MGST1: variants seen among roughly 807,000 people sequenced by gnomAD.
The protein encoded by MGST1 is microsomal glutathione S-transferase 1.
In MGST1, 5 loss-of-function variants were observed where a neutral mutation model predicts 8.9. The ratio of observed to expected loss-of-function variants is 0.56; its 90% confidence interval spans 0.29 to 1.19. The LOEUF (loss-of-function observed/expected upper bound fraction) is 1.19, where lower values mean the gene tolerates loss of function less well. MGST1 is among the 50% of genes most tolerant of loss of function. The pLI is 0.08. For synonymous variants in MGST1, 54 were observed against 67.8 expected (o/e 0.80, Z 1.00); for missense variants, 182 against 187.4 (o/e 0.97, Z 0.17).
chr12:16,531,005 A>G (rs1292866978), intron 4 of MGST1, among the ~76,000 whole-genome samples: 1 of 152,024 alleles, frequency 6.6e-6, no homozygotes, highest in Non-Finnish European at 1.5e-5. Context: ...CACATTCAAT[A>G]TAACTCATAT....
chr12:16,524,621 C>CTGT (rs920779733), intron 4 of MGST1, among the ~76,000 whole-genome samples: 22 of 152,164 alleles, frequency 1.4e-4, no homozygotes, highest in African/African-American at 5.3e-4. Context: ...ACTTGTTTGG[C>CTGT]TGTTGTTGCA....
Position 16,513,923 on chromosome 12 carries a change from A to T in MGST1, n.483-75605A>T. 1 of 567,984 alleles carries T rather than the reference A, an allele frequency of 1.8e-6. No homozygotes were observed. The highest frequency in any genetic ancestry group is 1.6e-5 in the South Asian group (1 of 61,298). The allele number at this position is 567,984 out of a possible 1,614,324, so 35.2% of individuals were successfully genotyped here. On this transcript the variant is annotated intron_variant and non_coding_transcript_variant, in intron 4 of 4. Coordinates refer to the MGST1 transcript ENST00000538857. This position sits in a 1 kb window ranked among gnomAD's most constrained non-coding sequence, Gnocchi z 4.2. ...GGCATGCAGCTACAAGGTTATCGAT[A>T]CTATGACCGCAAGACTTGCGGTTTT...
intron 4 of MGST1, among the ~76,000 whole-genome samples, chr12:16,580,850 T>G (rs1450428033): frequency 6.6e-6 from 1 of 152,232 alleles, no homozygotes; most frequent in Non-Finnish European, 1.5e-5. Flanking sequence ...AAGCTTTTAT[T>G]AATTATACAA....
chr12:16,440,099 T>G (rs1452904847), downstream of MGST1, among the ~76,000 whole-genome samples: 2 of 151,804 alleles, frequency 1.3e-5, no homozygotes, highest in African/African-American at 4.8e-5. Context: ...ACCAACAGAC[T>G]GGGGGTTAGG....
downstream of MGST1, among the ~76,000 whole-genome samples, chr12:16,368,484 C>G (rs1488588513): frequency 1.3e-5 from 2 of 152,112 alleles, no homozygotes. Context: ...AAATGTCAGC[C>G]CTGTGGGAAG....
In MGST1 at chr12:16,413,815, C is replaced by G. The variant is rs1940762157; in HGVS notation, n.779-23573C>G. Among the ~76,000 whole-genome samples, 2 of 152,160 alleles carry G rather than the reference C, an allele frequency of 1.3e-5. No individual in the cohort carries two copies. The highest frequency in any genetic ancestry group is 4.8e-5 in the African/African-American group (2 of 41,444). On this transcript the variant is annotated intron_variant and non_coding_transcript_variant, in intron 1 of 1. Transcript: ENST00000359720. This position sits in a 1 kb window ranked among gnomAD's most constrained non-coding sequence, Gnocchi z 4.0. ...TAATAGTGTTATTTAATCTTGGCAT[C>G]TCCAGCATATAATTTCTGACACATT...
chr12:16,350,036 G>C (rs1184060620), intron 1 of MGST1, among the ~76,000 whole-genome samples: 2 of 152,144 alleles, frequency 1.3e-5, no homozygotes, highest in Non-Finnish European at 2.9e-5. Flanking sequence ...GAGCCACCGC[G>C]CTCGGCCCCC....
At chr12:16,549,633 GA>G (rs1190670639) in intron 4 of MGST1, 3 of 152,120 alleles carry the variant, frequency 2.0e-5, no homozygotes, top group Non-Finnish European at 4.4e-5. Flanking sequence ...AAGTGATCAA[GA>G]AAAAAACAAA....
chr12:16,481,226 T>C (rs1364350069), intron 4 of MGST1, among the ~76,000 whole-genome samples: 1 of 152,200 alleles, frequency 6.6e-6, no homozygotes, highest in Non-Finnish European at 1.5e-5. Context: ...AGTATCTACA[T>C]GGTCCAGGAA....
At chr12:16,483,355 A>G (rs183862382) in intron 4 of MGST1, among the ~76,000 whole-genome samples, 89 of 152,084 alleles carry the variant, frequency 5.9e-4, no homozygotes, top group African/African-American at 2.1e-3. Flanking sequence ...TGATAAAATC[A>G]TAATGTTAAC....
intron 1 of MGST1, among the ~76,000 whole-genome samples, chr12:16,351,320 A>G (rs1394369674): frequency 5.1e-5 from 4 of 78,338 alleles, no homozygotes; most frequent in South Asian, 3.3e-4. Flanking sequence ...CACCCCTTCA[A>G]TACTAGAACA....
At position 16,500,021 on chromosome 12, in the gene MGST1, C is replaced by G. The variant is rs970160780; in HGVS notation, n.483-89507C>G. ...ATTTCTGATCATTTTAAAGGACAGT[C>G]TTAGAATTTCAAGGAAGCTAGAATT... is the stretch of plus-strand genomic sequence containing the variant. On this transcript the variant is annotated intron_variant and non_coding_transcript_variant, in intron 4 of 4. Coordinates refer to the MGST1 transcript ENST00000538857. The surrounding 1 kb of genome is among the most constrained non-coding windows in gnomAD (Gnocchi z 4.3). 1.3e-5 allele frequency among the ~76,000 whole-genome samples: 2 copies of G among 152,160 alleles called. No homozygotes were observed. Among genetic ancestry groups the G allele is most frequent in the African/African-American group, 4.8e-5 (2 of 41,444 alleles).
chr12:16,412,546 C>T (rs1940751237), intron 1 of MGST1, among the ~76,000 whole-genome samples: 1 of 152,108 alleles, frequency 6.6e-6, no homozygotes, highest in Admixed American at 6.5e-5. Context: ...TGTGTTACTC[C>T]CAAATCTCAC....
downstream of MGST1, among the ~76,000 whole-genome samples, chr12:16,382,054 A>C (rs1319237705): frequency 6.6e-6 from 1 of 151,760 alleles, no homozygotes; most frequent in African/African-American, 2.4e-5. Context: ...TTTTTTTCAA[A>C]GCTTTTAACT....
intron 4 of MGST1, among the ~76,000 whole-genome samples, chr12:16,581,187 G>A (rs1031767043): frequency 2.0e-4 from 31 of 152,110 alleles, no homozygotes; most frequent in Non-Finnish European, 1.3e-4. Context: ...TGGGGACCTC[G>A]GAGTAAGTCC....
intron 4 of MGST1, among the ~76,000 whole-genome samples, chr12:16,511,417 C>T (rs1413686859): frequency 6.6e-6 from 1 of 152,186 alleles, no homozygotes; most frequent in Non-Finnish European, 1.5e-5. Context: ...TCTTCAATAC[C>T]TATGCTGAAT....
chr12:16,447,238 G>C (rs768837399), intron 4 of MGST1, among the ~76,000 whole-genome samples: 43 of 151,776 alleles, frequency 2.8e-4, no homozygotes, highest in Admixed American at 4.6e-4. Context: ...CTGCCTCCTT[G>C]ATCAAAACTC....
intron 4 of MGST1, among the ~76,000 whole-genome samples, chr12:16,588,691 A>G (rs1036415227): frequency 4.6e-5 from 7 of 152,106 alleles, no homozygotes; most frequent in African/African-American, 1.4e-4. Context: ...TTTTTTCCAT[A>G]CAGCCTAAAG....
At chr12:16,399,385 T>C (rs755686320) in intron 1 of MGST1, 19 of 1,520,276 alleles carry the variant, frequency 1.2e-5, no homozygotes, top group Middle Eastern at 2.1e-4. Context: ...TTCTGGCTCA[T>C]ACTTCGACTT....
Sources: gnomAD v4.1 joint callset for allele counts (sites outside exome capture counted in the v4.1 genomes callset) on GRCh38, gnomAD v4.1.1 for gene constraint, Gnocchi (gnomAD v3.1) non-coding constraint, MANE v1.5 for transcripts, NCBI Gene and HGNC (gene_info 2026-07-23, HGNC 2026-07-21) for gene names.